SNX25: variants seen among roughly 807,000 people sequenced by gnomAD.
SNX25 encodes sorting nexin 25.
SNX25 carries 62 observed loss-of-function variants against 113.7 expected under a neutral mutation model. The ratio of observed to expected loss-of-function variants is 0.55; its 90% CI spans 0.44 to 0.67. The LOEUF is 0.67. Ranked by LOEUF, SNX25 falls within the 30% of genes least tolerant of loss-of-function variation. The pLI is 0.00. For missense variants in SNX25, 1,014 were observed against 1,161.0 expected (o/e 0.87, Z 1.84); for synonymous variants, 421 against 436.2 (o/e 0.97, Z 0.43).
intron 1 of SNX25, among the ~76,000 whole-genome samples, chr4:185,235,933 T>A (rs1451579334): frequency 6.6e-6 from 1 of 152,136 alleles, no homozygotes; most frequent in African/African-American, 2.4e-5. Context: ...GCAGTCCTGA[T>A]AAACCAGAGC....
Position 185,320,909 on chromosome 4 carries a change from A to G in SNX25, c.1476+45A>G, listed in dbSNP as rs199567202. On this transcript the variant is annotated intron_variant, in intron 8 of 18. Coordinates refer to ENST00000652585, the MANE Select transcript of SNX25 (RefSeq NM_001378034.2). ...AGGAATATTAATCACTAGCTGATGT[A>G]AACTTGGCATGTGAGGCAGCATGTC... 55 of 1,498,842 alleles carry G rather than the reference A, an allele frequency of 3.7e-5. 1 individual carries two copies. In the South Asian group the frequency reaches 6.9e-4, roughly 19 times the overall value. The allele number at this position is 1,498,842 out of a possible 1,614,324, so 92.8% of individuals were successfully genotyped here.
At chr4:185,340,597 G>A (rs1341784623) in intron 11 of SNX25, among the ~76,000 whole-genome samples, 1 of 152,184 alleles carries the variant, frequency 6.6e-6, no homozygotes, top group Non-Finnish European at 1.5e-5. Flanking sequence ...AATGGACTCA[G>A]GGGAATGTAA....
intron 2 of SNX25, among the ~76,000 whole-genome samples, chr4:185,252,288 G>T (rs182970609): frequency 2.9e-4 from 44 of 152,234 alleles, no homozygotes; most frequent in African/African-American, 9.9e-4. Context: ...AAAATCTTTA[G>T]TGGTTATAAT....
intron 7 of SNX25, 91 bp from the exon 8 acceptor site, chr4:185,320,642 C>T (rs1448846720): frequency 4.8e-5 from 44 of 918,196 alleles, no homozygotes; most frequent in South Asian, 3.7e-4. Flanking sequence ...GCATTTTTAC[C>T]CTAAATGTAG....
intron 4 of SNX25, among the ~76,000 whole-genome samples, chr4:185,265,628 T>C (rs1268724891): frequency 6.6e-6 from 1 of 152,212 alleles, no homozygotes; most frequent in African/African-American, 2.4e-5. Flanking sequence ...TTATTTAAAA[T>C]TTTATTTTCT....
At chr4:185,286,076 C>A (rs1185463482) in intron 5 of SNX25, among the ~76,000 whole-genome samples, 4 of 151,768 alleles carry the variant, frequency 2.6e-5, no homozygotes, top group Non-Finnish European at 4.4e-5. Context: ...CCACACCTGG[C>A]CTTTTTCTGT....
rs2095367002 is a variant in SNX25, at chr4:185,362,102, C to T, written c.2830C>T (p.Pro944Ser). 1 of 1,609,770 alleles carries T rather than the reference C, an allele frequency of 6.2e-7. No homozygotes were observed. The highest frequency in any genetic ancestry group is 1.3e-5 in the African/African-American group (1 of 74,764). ...ACAGCAAAAGCTGCTTGAAAACATT[C>T]CAGGTGAGGCCTGGGCTATTAGCCT... ...RAQQKLLENI[P>S]DMLQSLVGQQ... is the part of the protein sequence containing the mutation. Residue 944 changes from proline to serine, a missense_variant, in exon 17 of 19, where the codon CCA becomes TCA. Coordinates refer to ENST00000652585, the MANE Select transcript of SNX25 (RefSeq NM_001378034.2).
intron 1 of SNX25, among the ~76,000 whole-genome samples, chr4:185,211,692 TA>T (rs1275569522): frequency 6.6e-6 from 1 of 152,106 alleles, no homozygotes; most frequent in East Asian, 1.9e-4. Flanking sequence ...GAGCAGGCAA[TA>T]AATAAATACT....
In SNX25 at chr4:185,290,115, G is replaced by A. The variant is rs190614368; in HGVS notation, c.1162+2033G>A. On this transcript the variant is annotated intron_variant, in intron 6 of 18. Transcript: ENST00000652585. ...TTCTTACAAGGATGCCAGTCATACT[G>A]CACTGGGGCCCATCTAATGACTTCA... 3.5e-4 allele frequency among the ~76,000 whole-genome samples: 54 copies of A among 152,224 alleles called. 1 individual carries two copies. Among genetic ancestry groups the A allele is most frequent in the Admixed American group, 3.0e-3 (46 of 15,282 alleles).
intron 7 of SNX25, among the ~76,000 whole-genome samples, chr4:185,313,440 A>G (rs377164483): frequency 3.4e-4 from 52 of 152,336 alleles, no homozygotes; most frequent in African/African-American, 1.2e-3. Flanking sequence ...GAAATGAGAA[A>G]AAATGTCACA....
downstream of SNX25, among the ~76,000 whole-genome samples, chr4:185,371,937 G>A (rs962155827): frequency 2.0e-5 from 3 of 152,156 alleles, no homozygotes; most frequent in Admixed American, 6.5e-5. Context: ...ACCAGCACAC[G>A]CAGAGTCTGA....
chr4:185,300,809 G>A (rs1389624598), intron 6 of SNX25, among the ~76,000 whole-genome samples: 1 of 145,622 alleles, frequency 6.9e-6, no homozygotes, highest in Non-Finnish European at 1.5e-5. Flanking sequence ...TTCATGCATG[G>A]GATTAATGCC....
At chr4:185,373,040 G>T (rs368547805), downstream of SNX25, 114 of 1,611,708 alleles carry the variant, frequency 7.1e-5, no homozygotes, top group South Asian at 9.9e-5. Flanking sequence ...TGGGACTCCA[G>T]ATTCCCATTG....
intron 9 of SNX25, among the ~76,000 whole-genome samples, chr4:185,327,623 TTTTG>T (rs1369987688): frequency 6.6e-6 from 1 of 152,212 alleles, no homozygotes; most frequent in East Asian, 1.9e-4. Context: ...CCTTATCTGT[TTTTG>T]TTTATTAACT....
intron 2 of SNX25, among the ~76,000 whole-genome samples, chr4:185,247,679 T>G (rs1745052464): frequency 6.6e-6 from 1 of 152,194 alleles, no homozygotes; most frequent in East Asian, 1.9e-4. Flanking sequence ...TAGGAATTTT[T>G]TTTTTCTTCT....
intron 1 of SNX25, among the ~76,000 whole-genome samples, chr4:185,237,635 C>T (rs12504711): frequency 0.38 from 57,505 of 151,910 alleles, 13,210 homozygotes; most frequent in East Asian, 0.61. Context: ...ACAGACTAGA[C>T]GCCCACGGCT....
Position 185,353,533 on chromosome 4 carries a change from G to T in SNX25, c.2515G>T (p.Asp839Tyr). The T allele has an allele frequency of 1.2e-6, 2 of 1,614,220 alleles. No individual in the cohort carries two copies. Among genetic ancestry groups the T allele is most frequent in the Non-Finnish European group, 8.5e-7 (1 of 1,180,038 alleles). ...SDLSDYGDDV[D>Y]GRKDALAEPC... is the part of the protein sequence containing the mutation. ...CCTGTCAGATTATGGTGATGATGTGGATGGGAGGAAAGACGCCTTGGCTGA... is the reference window on the plus strand; with the variant it reads ...CCTGTCAGATTATGGTGATGATGTGTATGGGAGGAAAGACGCCTTGGCTGA... The change falls in exon 15 of 19, where the codon GAT becomes TAT. Residue 839 changes from aspartate (D) to tyrosine (Y), a missense_variant. By Grantham distance (160) the Asp-to-Tyr change is radical. Coordinates refer to ENST00000652585, the MANE Select transcript of SNX25 (RefSeq NM_001378034.2).
intron 1 of SNX25, among the ~76,000 whole-genome samples, chr4:185,220,844 T>C (rs1181893323): frequency 6.6e-6 from 1 of 152,028 alleles, no homozygotes; most frequent in Admixed American, 6.6e-5. Context: ...TCCTGTCCTT[T>C]TACCTCTTTT....
chr4:185,303,658 C>CAA (rs34378168), intron 6 of SNX25, among the ~76,000 whole-genome samples: 1,160 of 48,578 alleles, frequency 0.024, 34 homozygotes, highest in African/African-American at 0.061. Flanking sequence ...GACTCTGTCT[C>CAA]AAAAAAAAAA....
Sources: allele counts gnomAD v4.1 joint callset (sites outside exome capture counted in the v4.1 genomes callset), GRCh38; gene constraint gnomAD v4.1.1; transcripts MANE v1.5; gene names NCBI Gene and HGNC (gene_info 2026-07-23, HGNC 2026-07-21).